Variants in PPFIBP2 observed in about 807,000 individuals in gnomAD.
The protein encoded by PPFIBP2 is liprin-beta-2.
In PPFIBP2, 118 loss-of-function variants were observed where a neutral mutation model predicts 118.3. The observed-to-expected ratio is 1.00, with a 90% CI of 0.86 to 1.16. The LOEUF (loss-of-function observed/expected upper bound fraction) is 1.16, where lower values mean the gene tolerates loss of function less well. Among genes scored for constraint, PPFIBP2 ranks in the 50% most tolerant of loss-of-function variants. PPFIBP2 has a pLI of 0.00. For synonymous variants in PPFIBP2, 414 were observed against 397.4 expected (o/e 1.04, Z -0.50); for missense variants, 1,195 against 1,073.1 (o/e 1.11, Z -1.59).
rs138926873 is a variant in PPFIBP2, at chr11:7,563,274, G to A, written c.65-2279G>A. 3.8e-3 allele frequency among the ~76,000 whole-genome samples: 584 copies of A among 152,226 alleles called. 4 individuals carry two copies. Among genetic ancestry groups the A allele is most frequent in the African/African-American group, 0.013 (539 of 41,536 alleles). On this transcript the variant is annotated intron_variant, in intron 2 of 23. Coordinates refer to ENST00000299492, the MANE Select transcript of PPFIBP2 (RefSeq NM_003621.5). ...GAATGGAGAGGGATTACTTAGCAAT[G>A]GTTTGGAGATTGGAGGTCTTGCTCT...
intron 3 of PPFIBP2, among the ~76,000 whole-genome samples, chr11:7,571,156 C>T (rs1386731331): frequency 6.6e-6 from 1 of 152,192 alleles, no homozygotes; most frequent in East Asian, 1.9e-4. Context: ...GATAAGTGCT[C>T]ACCTCTGATA....
intron 1 of PPFIBP2, among the ~76,000 whole-genome samples, chr11:7,528,715 G>A (rs961699741): frequency 4.6e-5 from 7 of 152,204 alleles, no homozygotes; most frequent in Admixed American, 4.6e-4. Flanking sequence ...GCCCATGCAG[G>A]GGTGTAGAGT....
chr11:7,552,346 A>C (rs1345268350), intron 2 of PPFIBP2, among the ~76,000 whole-genome samples: 1 of 152,234 alleles, frequency 6.6e-6, no homozygotes, highest in Non-Finnish European at 1.5e-5. Flanking sequence ...TGAGGGACTA[A>C]AAATAATCTT....
intron 1 of PPFIBP2, among the ~76,000 whole-genome samples, chr11:7,540,197 A>G (rs192521477): frequency 6.6e-6 from 1 of 152,190 alleles, no homozygotes; most frequent in East Asian, 1.9e-4. Flanking sequence ...AGCCTTGGTA[A>G]GATTTGTGAA....
intron 5 of PPFIBP2, among the ~76,000 whole-genome samples, chr11:7,602,087 C>CAAAAAAAAAAGAAAAAA (rs1846721464): frequency 1.8e-5 from 1 of 56,184 alleles, no homozygotes; most frequent in African/African-American, 6.5e-5. Flanking sequence ...GAATGAAACT[C>CAAAAAAAAAAGAAAAAA]AAAAAAAAAA....
At chr11:7,536,901 G>A (rs746239237) in intron 1 of PPFIBP2, among the ~76,000 whole-genome samples, 6 of 152,174 alleles carry the variant, frequency 3.9e-5, no homozygotes, top group Admixed American at 2.6e-4. Flanking sequence ...ATAGGGCTAT[G>A]GTGAAAGAGG....
At chr11:7,606,067 T>G (rs1847304793) in intron 5 of PPFIBP2, 2 of 1,511,986 alleles carry the variant, frequency 1.3e-6, no homozygotes, top group African/African-American at 1.4e-5. Flanking sequence ...AGTAGGTTGG[T>G]TCCTTCGGTT....
chr11:7,548,442 T>A (rs1852569812), intron 1 of PPFIBP2: 1 of 152,234 alleles, frequency 6.6e-6, no homozygotes, highest in Non-Finnish European at 1.5e-5. Flanking sequence ...TGTATGGCCA[T>A]TCGGCACATG....
intron 2 of PPFIBP2, among the ~76,000 whole-genome samples, chr11:7,562,968 T>TACACACACAC (rs1382262708): frequency 1.6e-4 from 16 of 99,510 alleles, no homozygotes; most frequent in Middle Eastern, 5.3e-3. Flanking sequence ...TATATATATA[T>TACACACACAC]ATATATATAC....
chr11:7,610,136 C>T (rs1172287259), intron 5 of PPFIBP2, among the ~76,000 whole-genome samples, 155 bp from the exon 6 acceptor site: 2 of 152,144 alleles, frequency 1.3e-5, no homozygotes, highest in African/African-American at 2.4e-5. Context: ...TCAGCCCAGG[C>T]CCATCCATAA....
intron 1 of PPFIBP2, among the ~76,000 whole-genome samples, chr11:7,546,710 T>C (rs1348916416): frequency 6.6e-6 from 1 of 152,240 alleles, no homozygotes; most frequent in Non-Finnish European, 1.5e-5. Context: ...CATTTTGGCC[T>C]TTGCCAACTA....
At chr11:7,622,870 A>G (rs1849514377) in intron 7 of PPFIBP2, among the ~76,000 whole-genome samples, 1 of 152,186 alleles carries the variant, frequency 6.6e-6, no homozygotes, top group Non-Finnish European at 1.5e-5. Context: ...CATAAAACCA[A>G]ATAACACTTT....
chr11:7,666,867 G>A, the PPFIBP2 span: 4 of 202,906 alleles, frequency 2.0e-5, no homozygotes, highest in Admixed American at 5.7e-5. Flanking sequence ...CTCCAGCCCT[G>A]CCTCCTACAT....
intron 3 of PPFIBP2, chr11:7,577,527 G>T (rs756150266): frequency 4.2e-5 from 19 of 456,292 alleles, no homozygotes; most frequent in African/African-American, 4.0e-5. Flanking sequence ...GGAGAGAACT[G>T]GTCTCCAGCC....
At chr11:7,554,325 C>T (rs1853335520) in intron 2 of PPFIBP2, among the ~76,000 whole-genome samples, 1 of 152,192 alleles carries the variant, frequency 6.6e-6, no homozygotes, top group African/African-American at 2.4e-5. Flanking sequence ...AATGGATGTA[C>T]TGTATTCAGT....
downstream of PPFIBP2, among the ~76,000 whole-genome samples, chr11:7,655,702 C>G (rs576697029): frequency 7.9e-5 from 12 of 152,072 alleles, no homozygotes; most frequent in African/African-American, 2.7e-4. Flanking sequence ...GGACCTTGAG[C>G]CCCTAAGGGC....
chr11:7,550,201 T>C (rs1171936551), intron 2 of PPFIBP2, among the ~76,000 whole-genome samples: 1 of 152,238 alleles, frequency 6.6e-6, no homozygotes. Flanking sequence ...AAACGTTTTG[T>C]TGGAAATCTT....
chr11:7,565,383 G>A (rs925842866), intron 2 of PPFIBP2, among the ~76,000 whole-genome samples, 170 bp from the exon 3 acceptor site: 1 of 152,170 alleles, frequency 6.6e-6, no homozygotes, highest in African/African-American at 2.4e-5. Flanking sequence ...TGATCCTCCC[G>A]CTTCAGCCTC....
intron 11 of PPFIBP2, among the ~76,000 whole-genome samples, chr11:7,631,556 C>CTCATCTATTTCGTT (rs1850760904): frequency 6.6e-6 from 1 of 152,066 alleles, no homozygotes; most frequent in South Asian, 2.1e-4. Context: ...TGTTTAAAAT[C>CTCATCTATTTCGTT]TGGTCCTATT....
Sources: allele counts gnomAD v4.1 joint callset (sites outside exome capture counted in the v4.1 genomes callset), GRCh38; gene constraint gnomAD v4.1.1; transcripts MANE v1.5; gene names NCBI Gene and HGNC (gene_info 2026-07-23, HGNC 2026-07-21).